Variants in PDGFRB observed in about 807,000 individuals in gnomAD.
PDGFRB encodes platelet derived growth factor receptor beta.
Under a neutral mutation model 120.2 loss-of-function variants are expected in PDGFRB, and 42 were observed. The observed-to-expected ratio is 0.35, with a 90% confidence interval of 0.27 to 0.45. The LOEUF (loss-of-function observed/expected upper bound fraction) is 0.45. Ranked by LOEUF, PDGFRB falls within the 20% of genes least tolerant of loss-of-function variation. PDGFRB has a pLI of 1.00. For synonymous variants in PDGFRB, 586 were observed against 606.8 expected (o/e 0.97, Z 0.50); for missense variants, 1,149 against 1,476.3 (o/e 0.78, Z 3.63).
chr5:150,150,327 C>T (rs1270925009), intron 1 of PDGFRB, among the ~76,000 whole-genome samples: 1 of 152,190 alleles, frequency 6.6e-6, no homozygotes, highest in Non-Finnish European at 1.5e-5. Flanking sequence ...CCCATCCATA[C>T]AATAAAGCAG....
At chr5:150,116,048 C>T (rs1335769222) in intron 22 of PDGFRB, 102 bp from the exon 23 acceptor site, 9 of 938,692 alleles carry the variant, frequency 9.6e-6, no homozygotes, top group African/African-American at 1.7e-5. Flanking sequence ...GCACCGTAGG[C>T]TTCACACACT....
Position 150,132,075 on chromosome 5 carries a change from G to C in PDGFRB, c.1147C>G (p.Leu383Val). Residue 383 changes from leucine (L) to valine (V), a missense_variant, in exon 8 of 23, where the codon CTG becomes GTG. Coordinates refer to ENST00000261799, the MANE Select transcript of PDGFRB (RefSeq NM_002609.4). This position sits in a 1 kb window ranked among gnomAD's most constrained non-coding sequence, Gnocchi z 5.0. ...GCCTCTGCCACCTTCACGCGAACCA[G>C]TGTCAGCTCTGACACATACCTGGGG... ...SETRYVSELT[L>V]VRVKVAEAGH... 2 of 1,604,782 alleles carry C rather than the reference G, an allele frequency of 1.2e-6. No individual in the cohort carries two copies. Among genetic ancestry groups the C allele is most frequent in the Middle Eastern group, 1.7e-4 (1 of 6,038 alleles).
chr5:150,122,900 T>C, intron 15 of PDGFRB, 142 bp downstream of exon 15: 1 of 728,494 alleles, frequency 1.4e-6, no homozygotes, highest in Non-Finnish European at 2.3e-6. Context: ...GTGGACCATC[T>C]TGTGGAACAG....
chr5:150,140,151 T>C (rs1760742395), intron 1 of PDGFRB, among the ~76,000 whole-genome samples: 2 of 152,092 alleles, frequency 1.3e-5, no homozygotes, highest in African/African-American at 4.8e-5. Flanking sequence ...TCCCAGGCCA[T>C]CCTGGATGAC....
chr5:150,115,639 C>A lies in PDGFRB; in HGVS notation c.*124G>T, dbSNP rs1413783581. 6 of 923,100 alleles carry A rather than the reference C, an allele frequency of 6.5e-6. No individual in the cohort carries two copies. The highest frequency in any genetic ancestry group is 9.3e-6 in the Non-Finnish European group (6 of 647,968). The allele number at this position is 923,100 out of a possible 1,614,324, so 57.2% of individuals were successfully genotyped here. A position where few individuals can be genotyped will look rare whatever the true frequency, so the allele number is the denominator to read the frequency against. On this transcript the variant is annotated 3_prime_UTR_variant, in exon 23 of 23. Transcript: ENST00000261799. ...GGCACAACACGTCAGGAGCAGAAAG[C>A]TTCCAGAAGGGGACAGCTGATAAGG... is the stretch of plus-strand genomic sequence containing the variant.
intron 1 of PDGFRB, among the ~76,000 whole-genome samples, chr5:150,146,140 T>C (rs896547560): frequency 8.0e-5 from 12 of 150,534 alleles, no homozygotes; most frequent in African/African-American, 2.7e-4. Context: ...ATTTCATTCT[T>C]AGCCAGCTTA....
chr5:150,129,643 C>A, intron 10 of PDGFRB, 114 bp downstream of exon 10: 1 of 782,242 alleles, frequency 1.3e-6, no homozygotes. Flanking sequence ...CTCCTGTTTG[C>A]CCCTGGGCAT....
chr5:150,124,239 G>A lies in PDGFRB; in HGVS notation c.2023+11C>T, dbSNP rs1760228284. The A allele has an allele frequency of 6.3e-7, 1 of 1,595,226 alleles. No homozygotes were observed. Among genetic ancestry groups the A allele is most frequent in the African/African-American group, 1.3e-5 (1 of 74,660 alleles). On this transcript the variant is annotated intron_variant, in intron 14 of 22. Coordinates refer to ENST00000261799, the MANE Select transcript of PDGFRB (RefSeq NM_002609.4). ...CTTTCCCTGAGGCCTCTGGGGCAGT[G>A]GGCTCGGTACCTCCTTTGGTGCAGG... is the stretch of plus-strand genomic sequence containing the variant.
Position 150,132,839 on chromosome 5 carries a change from G to A in PDGFRB, c.1038C>T (p.Pro346=). The change falls in exon 7 of 23, where the codon CCC becomes CCT. Residue 346 remains proline, a synonymous_variant. Transcript: ENST00000261799. The surrounding 1 kb of genome is among the most constrained non-coding windows in gnomAD (Gnocchi z 5.0). ...LQVVFEAYPP[P]TVLWFKDNRT... ...GGTTGTCTTTGAACCACAGGACAGT[G>A]GGCGGTGGGTAGGCCTCGAACACTA... 6.2e-7 allele frequency: 1 copy of A among 1,610,994 alleles called. No individual in the cohort carries two copies. The highest frequency in any genetic ancestry group is 8.5e-7 in the Non-Finnish European group (1 of 1,178,842).
At position 150,155,670 on chromosome 5, in the gene PDGFRB, A is replaced by C; in HGVS notation, c.-280T>G. The C allele has an allele frequency of 2.5e-6, 1 of 398,616 alleles. No individual in the cohort carries two copies. Among genetic ancestry groups the C allele is most frequent in the Non-Finnish European group, 4.4e-6 (1 of 226,096 alleles). The allele number at this position is 398,616 out of a possible 1,614,324, so 24.7% of individuals were successfully genotyped here. ...CCTTCGGGAGGAGCAGAGCCGCCAG[A>C]GGGGCCGCCCTGGGTCTGGCTGTCT... is the stretch of plus-strand genomic sequence containing the variant. On this transcript the variant is annotated 5_prime_UTR_variant, in exon 1 of 23. Transcript: ENST00000261799.
At chr5:150,150,265 A>G (rs560654286) in intron 1 of PDGFRB, among the ~76,000 whole-genome samples, 1 of 152,096 alleles carries the variant, frequency 6.6e-6, no homozygotes, top group Non-Finnish European at 1.5e-5. Context: ...CGTCATCACC[A>G]ATGATCTGTA....
chr5:150,149,053 A>T (rs113645948), intron 1 of PDGFRB, among the ~76,000 whole-genome samples: 7 of 152,314 alleles, frequency 4.6e-5, no homozygotes, highest in African/African-American at 1.7e-4. Context: ...GTGCTGTGTG[A>T]GGATTTTCTC....
intron 8 of PDGFRB, 86 bp from the exon 9 acceptor site, chr5:150,130,748 ACT>A (rs2113904401): frequency 8.3e-7 from 1 of 1,203,840 alleles, no homozygotes; most frequent in Non-Finnish European, 1.2e-6. Context: ...TGGCCCAGAG[ACT>A]CTCTTGGGGG....
intron 1 of PDGFRB, among the ~76,000 whole-genome samples, chr5:150,137,756 A>C (rs531479848): frequency 2.0e-5 from 3 of 152,176 alleles, no homozygotes; most frequent in African/African-American, 7.2e-5. Context: ...GGCTCCCCCC[A>C]CCCCCACCCC....
At chr5:150,126,153 T>C (rs1049819521) in intron 11 of PDGFRB, among the ~76,000 whole-genome samples, 2 of 152,336 alleles carry the variant, frequency 1.3e-5, no homozygotes, top group East Asian at 3.9e-4. Context: ...AGGATCAGAA[T>C]GCATTTCAGT....
intron 20 of PDGFRB, 47 bp from the exon 21 acceptor site, chr5:150,118,899 G>C: frequency 8.5e-7 from 1 of 1,180,344 alleles, no homozygotes; most frequent in Non-Finnish European, 1.3e-6. Context: ...GGGTTCAGGG[G>C]ACAAGGCAGG....
rs1032794154 is a variant in PDGFRB, at chr5:150,122,313, T to C, written c.2184-273A>G. ...GGGCAAAGGTCACAAGACGGGTGTG[T>C]TCAGAGGCGCCTTCCTGTGGCCTCC... On this transcript the variant is annotated intron_variant, in intron 15 of 22. Coordinates refer to ENST00000261799, the MANE Select transcript of PDGFRB (RefSeq NM_002609.4). 1.5e-5 allele frequency: 6 copies of C among 405,780 alleles called. No individual in the cohort carries two copies. In the East Asian group the frequency reaches 2.6e-4, roughly 17 times the overall value. The allele number at this position is 405,780 out of a possible 1,614,324, so 25.1% of individuals were successfully genotyped here.
chr5:150,144,719 G>T (rs1374034775), intron 1 of PDGFRB, among the ~76,000 whole-genome samples: 1 of 152,164 alleles, frequency 6.6e-6, no homozygotes, highest in Non-Finnish European at 1.5e-5. Context: ...AAGGGAGGGG[G>T]CCTGGGTCCC....
rs757876598 is a variant in PDGFRB, at chr5:150,133,638, C to T, written c.882G>A (p.Thr294=). ...CATCCTGATGGTCATTCACACTCTC[C>T]GTCACATTGCAGGTGTAGGTCCCCG... ...EDSGTYTCNV[T]ESVNDHQDEK... The change falls in exon 6 of 23, where the codon ACG becomes ACA. Residue 294 remains threonine (T), a synonymous_variant. Coordinates refer to ENST00000261799, the MANE Select transcript of PDGFRB (RefSeq NM_002609.4). The T allele has an allele frequency of 1.1e-5, 18 of 1,614,058 alleles. No individual in the cohort carries two copies. The highest frequency in any genetic ancestry group is 1.7e-4 in the Middle Eastern group (1 of 6,060).
Sources: allele counts gnomAD v4.1 joint callset (sites outside exome capture counted in the v4.1 genomes callset), GRCh38; gene constraint gnomAD v4.1.1; non-coding constraint Gnocchi (gnomAD v3.1); transcripts MANE v1.5; gene names NCBI Gene and HGNC (gene_info 2026-07-23, HGNC 2026-07-21).